The following TBC1D14 variants were observed in gnomAD, a reference collection of about 807,000 sequenced individuals.
The protein encoded by TBC1D14 is TBC1 domain family, member 14.
A neutral mutation model predicts 79.0 loss-of-function variants in TBC1D14; 26 were observed. The observed-to-expected ratio is 0.33, with a 90% CI of 0.24 to 0.46. TBC1D14 has a LOEUF of 0.46. Ranked by LOEUF, TBC1D14 falls within the 20% of genes least tolerant of loss-of-function variation. The pLI, the probability that TBC1D14 is intolerant of heterozygous loss-of-function variation, is 1.00. For synonymous variants in TBC1D14, 394 were observed against 349.9 expected, an observed-to-expected ratio of 1.13 and a Z score of -1.40; for missense variants, 769 against 887.6, an observed-to-expected ratio of 0.87 and a Z score of 1.70.
intron 3 of TBC1D14, among the ~76,000 whole-genome samples, chr4:6,988,328 T>C (rs1718096482): frequency 6.6e-6 from 1 of 152,272 alleles, no homozygotes; most frequent in African/African-American, 2.4e-5. Flanking sequence ...TCCTATCATT[T>C]CTGGGCACCT....
chr4:6,983,444 A>C (rs912743730), intron 3 of TBC1D14, among the ~76,000 whole-genome samples: 1 of 152,180 alleles, frequency 6.6e-6, no homozygotes, highest in Non-Finnish European at 1.5e-5. Context: ...TGAGCTTTCT[A>C]GTGGCCAGAG....
At chr4:7,000,473 G>C (rs1719550699) in intron 6 of TBC1D14, among the ~76,000 whole-genome samples, 1 of 152,268 alleles carries the variant, frequency 6.6e-6, no homozygotes, top group African/African-American at 2.4e-5. Context: ...GATGGAGTTA[G>C]GATGCAGCCT....
intron 2 of TBC1D14, among the ~76,000 whole-genome samples, chr4:6,964,215 C>G (rs1007197396): frequency 5.3e-5 from 8 of 152,180 alleles, no homozygotes; most frequent in African/African-American, 1.9e-4. Flanking sequence ...TCCTGCCAGC[C>G]CGTTTCAGTG....
intron 3 of TBC1D14, among the ~76,000 whole-genome samples, chr4:6,990,183 C>T (rs190938471): frequency 1.5e-3 from 230 of 152,324 alleles, no homozygotes; most frequent in African/African-American, 5.4e-3. Context: ...GGTGCAGTGG[C>T]TCACGCCTGT....
chr4:7,014,426 A>G, intron 11 of TBC1D14, 22 bp from the exon 12 acceptor site: 2 of 1,537,068 alleles, frequency 1.3e-6, no homozygotes, highest in Non-Finnish European at 1.8e-6. Flanking sequence ...GTTTCTGAGT[A>G]AATTTCATAT....
Position 6,911,708 on chromosome 4 carries a change from C to T in TBC1D14, c.-18+1757C>T, listed in dbSNP as rs188457858. 1.4e-4 allele frequency among the ~76,000 whole-genome samples: 21 copies of T among 152,256 alleles called. No individual in the cohort carries two copies. The East Asian group carries it at 3.9e-3, about 28-fold the overall frequency. ...CTCTGGGTTGATTGCTTAGCTGGTG[C>T]GCTATAGAAGGCCTCTCTCAAAGTG... is the stretch of plus-strand genomic sequence containing the variant. On this transcript the variant is annotated intron_variant, in intron 1 of 13. Transcript: ENST00000409757.
chr4:6,952,390 C>T (rs528106557), intron 2 of TBC1D14, among the ~76,000 whole-genome samples: 6 of 152,328 alleles, frequency 3.9e-5, no homozygotes, highest in Admixed American at 1.3e-4. Context: ...GCCCCCTCCC[C>T]GAATCAAATG....
chr4:6,976,420 TA>T (rs1192789109), intron 3 of TBC1D14, among the ~76,000 whole-genome samples: 5 of 152,122 alleles, frequency 3.3e-5, no homozygotes, highest in African/African-American at 1.2e-4. Context: ...AAAAATCATA[TA>T]AGCAACCAGA....
In TBC1D14 at chr4:7,032,578, A is replaced by G. The variant is rs1376983112; in HGVS notation, c.*2186A>G. The G allele has an allele frequency of 6.6e-6, 1 of 152,274 alleles. No individual in the cohort carries two copies. Among genetic ancestry groups the G allele is most frequent in the Non-Finnish European group, 1.5e-5 (1 of 68,054 alleles). The allele number at this position is 152,274 out of a possible 1,614,324, so 9.4% of individuals were successfully genotyped here. On this transcript the variant is annotated 3_prime_UTR_variant, in exon 14 of 14. Coordinates refer to ENST00000409757, the MANE Select transcript of TBC1D14 (RefSeq NM_020773.3). Reference sequence around the variant, plus strand: ...CAATCTTAGTTCAGAAGTGGCTTGTATGACCTGTTCAGGGGTCACATGAGG... The same window carrying G: ...CAATCTTAGTTCAGAAGTGGCTTGTGTGACCTGTTCAGGGGTCACATGAGG...
At chr4:6,987,744 G>C (rs1718019608) in intron 3 of TBC1D14, among the ~76,000 whole-genome samples, 1 of 152,234 alleles carries the variant, frequency 6.6e-6, no homozygotes, top group Non-Finnish European at 1.5e-5. Flanking sequence ...ATGAGCCTTT[G>C]TATGGAGATG....
chr4:6,952,829 A>G (rs2109006509), intron 2 of TBC1D14, among the ~76,000 whole-genome samples: 1 of 151,636 alleles, frequency 6.6e-6, no homozygotes, highest in Non-Finnish European at 1.5e-5. Flanking sequence ...GGTTTAGACT[A>G]GTTTTTTTTT....
intron 13 of TBC1D14, among the ~76,000 whole-genome samples, chr4:7,030,071 A>G (rs1349208197): frequency 6.6e-6 from 1 of 152,156 alleles, no homozygotes; most frequent in Admixed American, 6.5e-5. Flanking sequence ...TGAGGCCCCC[A>G]GCTGTGCTTT....
chr4:6,962,563 C>T (rs1450361894), intron 2 of TBC1D14, among the ~76,000 whole-genome samples: 1 of 152,110 alleles, frequency 6.6e-6, no homozygotes, highest in East Asian at 1.9e-4. Flanking sequence ...CTTCTTCCCA[C>T]TGAAGGGCCC....
At chr4:6,927,628 C>G (rs189777579) in intron 2 of TBC1D14, among the ~76,000 whole-genome samples, 261 of 152,286 alleles carry the variant, frequency 1.7e-3, no homozygotes, top group African/African-American at 6.0e-3. Flanking sequence ...CTCCCACTGG[C>G]CGATGTTTTG....
At position 7,014,451 on chromosome 4, in the gene TBC1D14, T is replaced by G; in HGVS notation, c.1651T>G (p.Leu551Val). Residue 551 changes from leucine to valine, a missense_variant, in exon 12 of 14, where the codon TTG becomes GTG. Transcript: ENST00000409757. ...AAATTTCATATTATCTCCCTAGATG[T>G]TGACTTATTTTGCTGCATTTGAAGT... The part of the protein sequence containing the change: ...AFFRVDHGLM[L>V]TYFAAFEVFF... The G allele has an allele frequency of 6.2e-7, 1 of 1,609,638 alleles. No homozygotes were observed. Among genetic ancestry groups the G allele is most frequent in the Non-Finnish European group, 8.5e-7 (1 of 1,176,220 alleles).
At chr4:6,937,325 C>T (rs898618822) in intron 2 of TBC1D14, among the ~76,000 whole-genome samples, 6 of 152,342 alleles carry the variant, frequency 3.9e-5, no homozygotes, top group Admixed American at 1.3e-4. Flanking sequence ...GGTGCCAGCA[C>T]GTTCAGTGTC....
Position 6,967,394 on chromosome 4 carries a change from T to C in TBC1D14, c.813T>C (p.Asn271=), listed in dbSNP as rs748280783. The C allele has an allele frequency of 1.9e-6, 3 of 1,613,682 alleles. No individual in the cohort carries two copies. Among genetic ancestry groups the C allele is most frequent in the Non-Finnish European group, 2.5e-6 (3 of 1,179,908 alleles). Residue 271 remains asparagine (N), a synonymous_variant, in exon 3 of 14, where the codon AAT becomes AAC. Coordinates refer to ENST00000409757, the MANE Select transcript of TBC1D14 (RefSeq NM_020773.3). ...TTGGGAAAGCGCCACTCCGAGAGAA[T>C]GCCCAGAAGGATTCAAAGAGAATAC... ...KLFGKAPLRE[N]AQKDSKRIQK...
intron 1 of TBC1D14, among the ~76,000 whole-genome samples, chr4:6,914,032 C>G (rs1034718039): frequency 1.3e-4 from 19 of 151,372 alleles, no homozygotes; most frequent in South Asian, 2.1e-4. Flanking sequence ...CCCAGCTACT[C>G]AGGATGCTGA....
chr4:6,963,883 G>A (rs1329210585), intron 2 of TBC1D14, among the ~76,000 whole-genome samples: 1 of 150,186 alleles, frequency 6.7e-6, no homozygotes, highest in Non-Finnish European at 1.5e-5. Flanking sequence ...TGCAACCTCC[G>A]TCTCCCAGGT....
Sources: allele counts gnomAD v4.1 joint callset (sites outside exome capture counted in the v4.1 genomes callset), GRCh38; gene constraint gnomAD v4.1.1; transcripts MANE v1.5; gene names NCBI Gene and HGNC (gene_info 2026-07-23, HGNC 2026-07-21).